The following GINS4 variants were observed in gnomAD, a reference collection of about 807,000 sequenced individuals.
The protein encoded by GINS4 is GINS complex subunit 4, also known as DNA replication complex GINS protein SLD5.
Under a neutral mutation model 31.1 loss-of-function variants are expected in GINS4, and 20 were observed. The ratio of observed to expected loss-of-function variants is 0.64; its 90% confidence interval spans 0.45 to 0.93. The LOEUF is 0.93. GINS4 is among the 40% of genes least tolerant of loss of function. The pLI, the probability that GINS4 is intolerant of heterozygous loss-of-function variation, is 0.00. For synonymous variants in GINS4, 85 were observed against 97.9 expected (o/e 0.87, Z 0.78); for missense variants, 245 against 273.9 (o/e 0.89, Z 0.75).
intron 6 of GINS4, among the ~76,000 whole-genome samples, 179 bp downstream of exon 6, chr8:41,540,183 A>G (rs1229700343): frequency 6.6e-6 from 1 of 152,232 alleles, no homozygotes; most frequent in Non-Finnish European, 1.5e-5. Flanking sequence ...AATGGTAGGC[A>G]TTTGAGCATT....
chr8:41,539,532 A>T (rs907976838), intron 4 of GINS4, 146 bp from the exon 5 acceptor site: 3 of 662,870 alleles, frequency 4.5e-6, no homozygotes, highest in African/African-American at 1.8e-5. Flanking sequence ...CCTGTGTCTT[A>T]TGGTGTGTCT....
chr8:41,538,399 CAA>C (rs34493163), intron 4 of GINS4, among the ~76,000 whole-genome samples: 26,233 of 152,018 alleles, frequency 0.17, 2,565 homozygotes, highest in African/African-American at 0.27. Context: ...GTAGTAATGC[CAA>C]CCACATCACA....
intron 2 of GINS4, 94 bp from the exon 3 acceptor site, chr8:41,536,266 G>A (rs184210491): frequency 1.4e-5 from 11 of 783,202 alleles, no homozygotes; most frequent in African/African-American, 6.7e-5. Flanking sequence ...TCTTGCCTGC[G>A]CCATCCCTGG....
chr8:41,538,474 G>A lies in GINS4; in HGVS notation c.297+1181G>A, dbSNP rs550913798. 1.1e-4 allele frequency among the ~76,000 whole-genome samples: 17 copies of A among 152,234 alleles called. No individual in the cohort carries two copies. In the South Asian group the frequency reaches 3.3e-3, roughly 30 times the overall value. ...CTGCCTGAGCTCATTCTTCACTCACGTGGACACTAACCCCTTTTAAGATGA... is the reference window on the plus strand; with the variant it reads ...CTGCCTGAGCTCATTCTTCACTCACATGGACACTAACCCCTTTTAAGATGA... On this transcript the variant is annotated intron_variant, in intron 4 of 7. Transcript: ENST00000276533.
At chr8:41,535,141 C>G (rs2150458635) in intron 2 of GINS4, among the ~76,000 whole-genome samples, 1 of 152,126 alleles carries the variant, frequency 6.6e-6, no homozygotes, top group Admixed American at 6.5e-5. Context: ...AGTTCAAGAC[C>G]AGCCTGACGA....
chr8:41,542,226 C>G lies in GINS4; in HGVS notation c.*139C>G. 1 of 667,290 alleles carries G rather than the reference C, an allele frequency of 1.5e-6. No individual in the cohort carries two copies. The allele number at this position is 667,290 out of a possible 1,614,324, so 41.3% of individuals were successfully genotyped here. ...TGAAACCCCATCTTTACTAAAAATA[C>G]AAAATAATTAGCCGGGTGTTGGTGG... is the stretch of plus-strand genomic sequence containing the variant. On this transcript the variant is annotated 3_prime_UTR_variant, in exon 8 of 8. Transcript: ENST00000276533.
chr8:41,536,944 T>C, intron 3 of GINS4: 1 of 492,778 alleles, frequency 2.0e-6, no homozygotes, highest in South Asian at 2.1e-5. Flanking sequence ...TGCTGTACTA[T>C]CTCCCTTACA....
intron 2 of GINS4, among the ~76,000 whole-genome samples, chr8:41,535,117 C>T (rs1438678731): frequency 2.6e-5 from 4 of 152,070 alleles, no homozygotes; most frequent in Non-Finnish European, 4.4e-5. Flanking sequence ...GCAGGTGGAT[C>T]ACTTGAGGTC....
intron 2 of GINS4, among the ~76,000 whole-genome samples, chr8:41,530,793 T>G (rs1293334376): frequency 6.6e-6 from 1 of 152,016 alleles, no homozygotes; most frequent in Non-Finnish European, 1.5e-5. Context: ...CTTTAAGTTG[T>G]AATAGCTATG....
In GINS4 at chr8:41,539,743, C is replaced by T. The variant is rs760938896; in HGVS notation, c.363C>T (p.Ser121=). The T allele has an allele frequency of 6.2e-7, 1 of 1,614,162 alleles. No homozygotes were observed. Among genetic ancestry groups the T allele is most frequent in the East Asian group, 2.2e-5 (1 of 44,892 alleles). Residue 121 remains serine, a synonymous_variant, in exon 5 of 8, where the codon AGC becomes AGT. Coordinates refer to ENST00000276533, the MANE Select transcript of GINS4 (RefSeq NM_032336.3). Reference sequence around the variant, plus strand: ...CACGTCCTGAGGGGGAGCCTTCCAGCCTCTCGCCGGAAGAGTTGGCCTTTG... The same window carrying T: ...CACGTCCTGAGGGGGAGCCTTCCAGTCTCTCGCCGGAAGAGTTGGCCTTTG... ...EKTRPEGEPS[S]LSPEELAFAR... is the part of the protein sequence containing the mutation.
At position 41,544,608 on chromosome 8, in the gene GINS4, G is replaced by T. The variant is rs527648746; in HGVS notation, c.*2521G>T. On this transcript the variant is annotated 3_prime_UTR_variant, in exon 8 of 8. Transcript: ENST00000276533. ...ACTTGATTTATGCTTGTTATATAAA[G>T]AAAGAGACAACTTCACTGTATGATC... 1.4e-4 allele frequency: 21 copies of T among 152,234 alleles called. No homozygotes were observed. The highest frequency in any genetic ancestry group is 4.6e-4 in the African/African-American group (19 of 41,538). 9.4% of individuals were successfully genotyped at this position (152,234 alleles called of 1,614,324 possible).
At chr8:41,539,655 A>C in intron 4 of GINS4, 23 bp from the exon 5 acceptor site, 1 of 1,524,486 alleles carries the variant, frequency 6.6e-7, no homozygotes, top group South Asian at 1.1e-5. Flanking sequence ...TGTTTTCATG[A>C]AGATTTTGCT....
rs1360361592 is a variant in GINS4, at chr8:41,542,156, G to A, written c.*69G>A. 1 of 1,192,020 alleles carries A rather than the reference G, an allele frequency of 8.4e-7. No homozygotes were observed. The highest frequency in any genetic ancestry group is 1.5e-5 in the African/African-American group (1 of 66,726). 73.8% of individuals were successfully genotyped at this position (1,192,020 alleles called of 1,614,324 possible). A position where few individuals can be genotyped will look rare whatever the true frequency, so the allele number is the denominator to read the frequency against. ...CCCAGCACTTTGGGAGGCCGAGGCG[G>A]GCGGATCATGAGGTCAGGAGTTCGA... On this transcript the variant is annotated 3_prime_UTR_variant, in exon 8 of 8. Transcript: ENST00000276533.
chr8:41,529,890 C>T (rs1272118100), intron 1 of GINS4: 1 of 233,740 alleles, frequency 4.3e-6, no homozygotes, highest in Non-Finnish European at 8.4e-6. Flanking sequence ...AGGAACAAGA[C>T]CTCTACTGGG....
intron 2 of GINS4, chr8:41,534,313 A>G: frequency 5.2e-6 from 2 of 383,924 alleles, no homozygotes; most frequent in Non-Finnish European, 1.1e-5. Context: ...AGGCTGAGGC[A>G]GGAGGATCAC....
chr8:41,541,840 T>A lies in GINS4; in HGVS notation c.516T>A (p.Phe172Leu), dbSNP rs1196074445. The A allele has an allele frequency of 6.2e-7, 1 of 1,614,036 alleles. No individual in the cohort carries two copies. Among genetic ancestry groups the A allele is most frequent in the African/African-American group, 1.3e-5 (1 of 74,928 alleles). ...VPKPDLDSYV[F>L]LRVRERQENI... is the part of the protein sequence containing the mutation. ...AACCAGATCTAGATTCTTACGTGTT[T>A]CTGAGAGTGAGAGAACGACAAGAAA... The change falls in exon 7 of 8, where the codon TTT (phenylalanine) becomes TTA (leucine). Residue 172 changes from phenylalanine (F) to leucine (L), a missense_variant. Physicochemically the swap from Phe to Leu is conservative, Grantham distance 22. Transcript: ENST00000276533.
chr8:41,537,185 A>C lies in GINS4; in HGVS notation c.189A>C (p.Glu63Asp). Residue 63 changes from glutamate (E) to aspartate (D), a missense_variant, in exon 4 of 8, where the codon GAA becomes GAC. Coordinates refer to ENST00000276533, the MANE Select transcript of GINS4 (RefSeq NM_032336.3). ...CVMEQLEHME[E>D]NLRRAKREDL... ...CTTAATTTCTCATTTAATAGGAAGA[A>C]AATCTCAGGAGAGCCAAAAGGGAGG... is the stretch of plus-strand genomic sequence containing the variant. 1 of 1,608,144 alleles carries C rather than the reference A, an allele frequency of 6.2e-7. No individual in the cohort carries two copies. The highest frequency in any genetic ancestry group is 8.5e-7 in the Non-Finnish European group (1 of 1,174,596).
At chr8:41,533,614 T>C (rs12676295) in intron 2 of GINS4, among the ~76,000 whole-genome samples, 63,204 of 152,070 alleles carry the variant, frequency 0.42, 13,934 homozygotes, top group Middle Eastern at 0.55. Context: ...ACAGGGCTGC[T>C]GATGAGAACA....
At chr8:41,534,365 C>G in intron 2 of GINS4, 1 of 220,190 alleles carries the variant, frequency 4.5e-6, no homozygotes, top group South Asian at 5.6e-5. Flanking sequence ...CATTATCATG[C>G]CACTGTGTGA....
Sources: allele counts gnomAD v4.1 joint callset (sites outside exome capture counted in the v4.1 genomes callset), GRCh38; gene constraint gnomAD v4.1.1; transcripts MANE v1.5; gene names NCBI Gene and HGNC (gene_info 2026-07-23, HGNC 2026-07-21).